Variants in LRRC8B observed in about 807,000 individuals in gnomAD.
LRRC8B encodes the protein volume-regulated anion channel subunit LRRC8B.
Under a neutral mutation model 58.8 loss-of-function variants are expected in LRRC8B, and 23 were observed. The ratio of observed to expected loss-of-function variants is 0.39; its 90% confidence interval spans 0.28 to 0.55. LRRC8B has a LOEUF of 0.55. LRRC8B is among the 20% of genes least tolerant of loss of function. The pLI is 0.62. For missense variants in LRRC8B, 694 were observed against 936.0 expected, an observed-to-expected ratio of 0.74 and a Z score of 3.37; for synonymous variants, 359 against 374.1, an observed-to-expected ratio of 0.96 and a Z score of 0.47.
At chr1:89,528,189 A>G (rs964696056) in intron 1 of LRRC8B, among the ~76,000 whole-genome samples, 1 of 152,146 alleles carries the variant, frequency 6.6e-6, no homozygotes, top group South Asian at 2.1e-4. Context: ...TGCAATGCCT[A>G]TTCTTCAGCT....
rs539337673 is a variant in LRRC8B at position 89,597,012 on chromosome 1, T to A, written c.*3969T>A. 6.6e-6 allele frequency: 1 copy of A among 152,292 alleles called. No individual in the cohort carries two copies. The highest frequency in any genetic ancestry group is 2.1e-4 in the South Asian group (1 of 4,828). 9.4% of individuals were successfully genotyped at this position (152,292 alleles called of 1,614,324 possible). ...TTGCATCCTAGTTTGTATTATGAAG[T>A]CATCATATATATATTTGAAATAGTA... On this transcript the variant is annotated 3_prime_UTR_variant, in exon 6 of 6. Coordinates refer to ENST00000330947, the MANE Select transcript of LRRC8B (RefSeq NM_001369817.2).
At position 89,584,345 on chromosome 1, in the gene LRRC8B, A is replaced by G. The variant is rs1341263149; in HGVS notation, c.1695A>G (p.Lys565=). 6.2e-7 allele frequency: 1 copy of G among 1,613,998 alleles called. No homozygotes were observed. Among genetic ancestry groups the G allele is most frequent in the African/African-American group, 1.3e-5 (1 of 74,898 alleles). The change falls in exon 5 of 6, where the codon AAA becomes AAG. Residue 565 remains lysine (K), a synonymous_variant. Transcript: ENST00000330947. ...VVTDLLPSLQ[K]LSLDNEGSKL... ...CAGACCTCCTGCCTTCATTGCAGAA[A>G]CTGTCCCTTGATAATGAGGGAAGCA...
chr1:89,573,437 T>A (rs971207409), intron 3 of LRRC8B, among the ~76,000 whole-genome samples: 1 of 152,268 alleles, frequency 6.6e-6, no homozygotes, highest in African/African-American at 2.4e-5. Context: ...TTTCATTTAT[T>A]CAATAACTTT....
chr1:89,582,797 G>A lies in LRRC8B; in HGVS notation c.147G>A (p.Gln49=). 1.2e-6 allele frequency: 2 copies of A among 1,614,198 alleles called. No individual in the cohort carries two copies. Among genetic ancestry groups the A allele is most frequent in the Non-Finnish European group, 1.7e-6 (2 of 1,180,044 alleles). ...TGGCCGGAGCTCTCCAGCTGACGCA[G>A]AGCAGGGTTCTGTGCTGTCTTCCAT... ...AVLAGALQLT[Q]SRVLCCLPCK... The change falls in exon 5 of 6, where the codon CAG becomes CAA. Residue 49 remains glutamine (Q), a synonymous_variant. Coordinates refer to ENST00000330947, the MANE Select transcript of LRRC8B (RefSeq NM_001369817.2).
intron 1 of LRRC8B, among the ~76,000 whole-genome samples, chr1:89,526,066 A>G (rs2100757632): frequency 6.6e-6 from 1 of 152,362 alleles, no homozygotes; most frequent in African/African-American, 2.4e-5. Flanking sequence ...AAACAGATTT[A>G]TCTTTATCAG....
chr1:89,549,349 G>A (rs1407972104), intron 1 of LRRC8B, among the ~76,000 whole-genome samples: 1 of 152,122 alleles, frequency 6.6e-6, no homozygotes, highest in Non-Finnish European at 1.5e-5. Flanking sequence ...TAACCCTGTT[G>A]ATATGCTAAA....
chr1:89,530,669 G>A lies in LRRC8B; in HGVS notation c.-241+5647G>A, dbSNP rs1570548188. 2.6e-5 allele frequency among the ~76,000 whole-genome samples: 4 copies of A among 152,188 alleles called. No homozygotes were observed. The East Asian group carries it at 7.7e-4, about 29-fold the overall frequency. ...AATCAGTAGCGCATAAAGCAGCAGT[G>A]GAAAATGACCACAGGATGGGAAGTA... On this transcript the variant is annotated intron_variant, in intron 1 of 5. Transcript: ENST00000330947.
intron 1 of LRRC8B, among the ~76,000 whole-genome samples, chr1:89,548,292 G>A (rs1651556588): frequency 6.6e-6 from 1 of 152,124 alleles, no homozygotes; most frequent in African/African-American, 2.4e-5. Context: ...TCAATTTGGA[G>A]TATGGTAATA....
chr1:89,557,662 C>T (rs975452860), intron 1 of LRRC8B, among the ~76,000 whole-genome samples: 4 of 152,226 alleles, frequency 2.6e-5, no homozygotes, highest in African/African-American at 7.2e-5. Context: ...GCCCCTGCTT[C>T]TCACTCTCAC....
At chr1:89,540,662 C>T (rs557625372) in intron 1 of LRRC8B, among the ~76,000 whole-genome samples, 6 of 152,238 alleles carry the variant, frequency 3.9e-5, no homozygotes, top group South Asian at 4.1e-4. Context: ...ATACAGCTTC[C>T]TCAGGAAGAG....
At chr1:89,555,050 T>C (rs1314741764) in intron 1 of LRRC8B, among the ~76,000 whole-genome samples, 1 of 152,140 alleles carries the variant, frequency 6.6e-6, no homozygotes, top group African/African-American at 2.4e-5. Flanking sequence ...TGAAACTCTG[T>C]TTCCAGAGGG....
chr1:89,527,869 C>T (rs1649819141), intron 1 of LRRC8B, among the ~76,000 whole-genome samples: 1 of 152,176 alleles, frequency 6.6e-6, no homozygotes, highest in Non-Finnish European at 1.5e-5. Flanking sequence ...CAATAAACTC[C>T]CTGTTCTATG....
chr1:89,564,534 G>A (rs1287344344), intron 1 of LRRC8B, among the ~76,000 whole-genome samples: 1 of 152,096 alleles, frequency 6.6e-6, no homozygotes, highest in African/African-American at 2.4e-5. Flanking sequence ...ACTTTTTCAC[G>A]TTTAGAGTTG....
chr1:89,535,309 A>G (rs944381687), intron 1 of LRRC8B, among the ~76,000 whole-genome samples: 1 of 152,194 alleles, frequency 6.6e-6, no homozygotes, highest in African/African-American at 2.4e-5. Context: ...TAGGTCCCTA[A>G]TAGGCCCATT....
In LRRC8B at chr1:89,583,504, T is replaced by C. The variant is rs186516484; in HGVS notation, c.854T>C (p.Leu285Pro). Residue 285 changes from leucine to proline, a missense_variant, in exon 5 of 6, where the codon CTT (leucine) becomes CCT (proline). Leu to Pro is a moderately conservative substitution (Grantham distance 98). Coordinates refer to ENST00000330947, the MANE Select transcript of LRRC8B (RefSeq NM_001369817.2). This position sits in a 1 kb window ranked among gnomAD's most constrained non-coding sequence, Gnocchi z 5.2. ...CCATATTTTTTAACCCACATCACTCTTGAAATCGACTGTTCAGTTGATGTG... is the reference window on the plus strand; with the variant it reads ...CCATATTTTTTAACCCACATCACTCCTGAAATCGACTGTTCAGTTGATGTG... Reference protein sequence around the residue: ...YVPYFLTHITLEIDCSVDVQA... With the variant: ...YVPYFLTHITPEIDCSVDVQA... 6.2e-7 allele frequency: 1 copy of C among 1,613,728 alleles called. No homozygotes were observed. The highest frequency in any genetic ancestry group is 2.2e-5 in the East Asian group (1 of 44,890).
chr1:89,584,231 T>TACTATGCAG lies in LRRC8B; in HGVS notation c.1582_1590dup (p.Thr528_Gln530dup). On this transcript the variant is annotated inframe_insertion, in exon 5 of 6. Transcript: ENST00000330947. The stretch of plus-strand genomic sequence containing the variant: ...GCTGTGTTCTCCCTGAACAGTTGAG[T>TACTATGCAG]ACTATGCAGTTGGAGGGCTTTCAGG... 1 of 1,612,298 alleles carries TACTATGCAG rather than the reference T, an allele frequency of 6.2e-7. No homozygotes were observed. The highest frequency in any genetic ancestry group is 1.3e-5 in the African/African-American group (1 of 75,026).
At chr1:89,556,367 T>G (rs998675395) in intron 1 of LRRC8B, among the ~76,000 whole-genome samples, 8 of 152,048 alleles carry the variant, frequency 5.3e-5, no homozygotes, top group African/African-American at 1.9e-4. Context: ...TCAATAAAGG[T>G]AAGTAAAGTG....
In LRRC8B at chr1:89,549,205, A is replaced by C. The variant is rs548289650; in HGVS notation, c.-240-19042A>C. 1.8e-3 allele frequency among the ~76,000 whole-genome samples: 281 copies of C among 152,324 alleles called. 2 individuals are homozygous for C. Among genetic ancestry groups the C allele is most frequent in the South Asian group, 5.4e-3 (26 of 4,828 alleles). ...GAGACAGATAATGTAGGAAAAACAA[A>C]ACCAGAGCAGTTCTTCAAAATTAAA... On this transcript the variant is annotated intron_variant, in intron 1 of 5. Transcript: ENST00000330947.
intron 1 of LRRC8B, among the ~76,000 whole-genome samples, chr1:89,525,732 G>T (rs1649640828): frequency 6.6e-6 from 1 of 152,170 alleles, no homozygotes; most frequent in Non-Finnish European, 1.5e-5. Context: ...AAAGTCCATA[G>T]ATTGCCTTTA....
Sources: gnomAD v4.1 joint callset for allele counts (sites outside exome capture counted in the v4.1 genomes callset) on GRCh38, gnomAD v4.1.1 for gene constraint, Gnocchi (gnomAD v3.1) non-coding constraint, MANE v1.5 for transcripts, NCBI Gene and HGNC (gene_info 2026-07-23, HGNC 2026-07-21) for gene names.